The following OLFM3 variants were observed in gnomAD, a reference collection of about 807,000 sequenced individuals.
OLFM3 encodes noelin-3.
OLFM3 carries 20 observed loss-of-function variants against 48.6 expected under a neutral mutation model. The ratio of observed to expected loss-of-function variants is 0.41; its 90% CI spans 0.29 to 0.60. The LOEUF (loss-of-function observed/expected upper bound fraction) is 0.60. Among genes scored for constraint, OLFM3 ranks in the 20% least tolerant of loss-of-function variants. The pLI is 0.28. For synonymous variants in OLFM3, 222 were observed against 198.1 expected (o/e 1.12, Z -1.01); for missense variants, 437 against 544.3 (o/e 0.80, Z 1.96).
intron 4 of OLFM3, among the ~76,000 whole-genome samples, chr1:101,809,949 C>T (rs1233130350): frequency 1.3e-5 from 2 of 151,902 alleles, no homozygotes; most frequent in Non-Finnish European, 2.9e-5. Flanking sequence ...AAACTAATTA[C>T]ATAAAACTTC....
At chr1:101,930,145 C>T (rs1218571370) in intron 1 of OLFM3, among the ~76,000 whole-genome samples, 1 of 152,152 alleles carries the variant, frequency 6.6e-6, no homozygotes, top group Non-Finnish European at 1.5e-5. Flanking sequence ...AGAGGGACTG[C>T]TGAAATCTCT....
At chr1:101,878,049 C>A (rs1329460273) in intron 1 of OLFM3, among the ~76,000 whole-genome samples, 7 of 151,762 alleles carry the variant, frequency 4.6e-5, no homozygotes, top group Admixed American at 3.3e-4. Context: ...GATTTAAGTG[C>A]CTTCTCACCC....
intron 3 of OLFM3, among the ~76,000 whole-genome samples, chr1:101,826,230 C>T (rs549405677): frequency 4.6e-5 from 7 of 152,122 alleles, no homozygotes; most frequent in East Asian, 1.9e-4. Flanking sequence ...GACTGAAGCA[C>T]GCCTACAGTT....
At chr1:101,962,435 G>T (rs1336793) in intron 1 of OLFM3, among the ~76,000 whole-genome samples, 32,430 of 152,044 alleles carry the variant, frequency 0.21, 3,841 homozygotes, top group East Asian at 0.5. Context: ...ATATTTTTTA[G>T]AGAATTGAGC....
At chr1:101,918,828 C>A (rs1659006596) in intron 1 of OLFM3, among the ~76,000 whole-genome samples, 1 of 152,026 alleles carries the variant, frequency 6.6e-6, no homozygotes, top group African/African-American at 2.4e-5. Context: ...CACTGACATA[C>A]TCAAAAATCC....
intron 1 of OLFM3, among the ~76,000 whole-genome samples, chr1:101,989,956 T>C (rs746431755): frequency 2.6e-5 from 4 of 152,228 alleles, no homozygotes; most frequent in African/African-American, 4.8e-5. Context: ...TTTCTCATTA[T>C]CATAGTTTGT....
intron 1 of OLFM3, among the ~76,000 whole-genome samples, chr1:101,873,293 A>T (rs1364997740): frequency 6.6e-6 from 1 of 151,992 alleles, no homozygotes; most frequent in Non-Finnish European, 1.5e-5. Flanking sequence ...AAGAGCCTCA[A>T]GAAAATCCCA....
intron 1 of OLFM3, among the ~76,000 whole-genome samples, chr1:101,878,519 C>T (rs144789025): frequency 6.6e-6 from 1 of 151,956 alleles, no homozygotes; most frequent in East Asian, 1.9e-4. Context: ...AATACTGATG[C>T]CATCTGTAGC....
chr1:101,804,280 A>G lies in OLFM3; in HGVS notation c.1335T>C (p.Asn445=), dbSNP rs1221095401. 1.9e-6 allele frequency: 3 copies of G among 1,608,606 alleles called. No individual in the cohort carries two copies. Among genetic ancestry groups the G allele is most frequent in the Non-Finnish European group, 2.5e-6 (3 of 1,177,126 alleles). ...AWNNGHQVLF[N]VTLFHIIKTE... is the part of the protein sequence containing the mutation. ...TCTTGATGATATGGAAAAGGGTGACATTGAACAGCACCTGGTGGCCATTGT... is the reference window on the plus strand; with the variant it reads ...TCTTGATGATATGGAAAAGGGTGACGTTGAACAGCACCTGGTGGCCATTGT... Residue 445 remains asparagine, a synonymous_variant, in exon 6 of 6, where the codon AAT becomes AAC. Coordinates refer to ENST00000370103, the MANE Select transcript of OLFM3 (RefSeq NM_058170.4). The surrounding 1 kb of genome is among the most constrained non-coding windows in gnomAD (Gnocchi z 4.5).
chr1:101,926,878 T>C (rs1254870072), intron 1 of OLFM3, among the ~76,000 whole-genome samples: 1 of 152,162 alleles, frequency 6.6e-6, no homozygotes, highest in Non-Finnish European at 1.5e-5. Flanking sequence ...AGGCTTACTA[T>C]TTTTAATGCA....
At chr1:101,940,751 T>C (rs1195980148) in intron 1 of OLFM3, among the ~76,000 whole-genome samples, 4 of 150,656 alleles carry the variant, frequency 2.7e-5, no homozygotes, top group Non-Finnish European at 5.9e-5. Flanking sequence ...TATGTATGTA[T>C]ATATATTCAT....
intron 1 of OLFM3, among the ~76,000 whole-genome samples, chr1:101,920,848 C>T (rs1015808850): frequency 2.0e-5 from 3 of 152,156 alleles, no homozygotes; most frequent in South Asian, 2.1e-4. Context: ...TCCTGCTTTT[C>T]GTTTGTTTGT....
chr1:101,968,532 T>TG (rs1430392390), intron 1 of OLFM3, among the ~76,000 whole-genome samples: 4 of 19,716 alleles, frequency 2.0e-4, no homozygotes, highest in East Asian at 4.0e-3. Flanking sequence ...CTTTTTGTTC[T>TG]GAAAAAAAAA....
At chr1:101,856,007 A>T (rs1179528553) in intron 1 of OLFM3, among the ~76,000 whole-genome samples, 1 of 151,988 alleles carries the variant, frequency 6.6e-6, no homozygotes, top group Non-Finnish European at 1.5e-5. Flanking sequence ...GGTGGTAGTA[A>T]ACAACCCCAA....
At chr1:101,941,473 G>A (rs12128684) in intron 1 of OLFM3, among the ~76,000 whole-genome samples, 49,294 of 151,724 alleles carry the variant, frequency 0.32, 8,609 homozygotes, top group Middle Eastern at 0.48. Flanking sequence ...TATTCTTTGC[G>A]GAAAATAAGT....
intron 1 of OLFM3, among the ~76,000 whole-genome samples, chr1:101,945,372 G>A (rs7349130): frequency 0.4 from 60,662 of 151,602 alleles, 12,358 homozygotes; most frequent in East Asian, 0.51. Flanking sequence ...GAGTGAATCT[G>A]AAAATAATGC....
chr1:101,923,918 A>G (rs1159585125), intron 1 of OLFM3, among the ~76,000 whole-genome samples: 2 of 152,136 alleles, frequency 1.3e-5, no homozygotes, highest in East Asian at 3.8e-4. Context: ...TATAACTGTG[A>G]TAACAGAAAC....
chr1:101,967,590 G>GAAA (rs71592233), intron 1 of OLFM3, among the ~76,000 whole-genome samples: 1,603 of 44,562 alleles, frequency 0.036, 118 homozygotes, highest in Admixed American at 0.07. Flanking sequence ...CCTAGTCAGT[G>GAAA]AAAAAAAAAA....
intron 1 of OLFM3, among the ~76,000 whole-genome samples, chr1:101,904,549 G>A (rs1366819775): frequency 1.3e-5 from 2 of 152,124 alleles, no homozygotes; most frequent in African/African-American, 4.8e-5. Flanking sequence ...TTAATATGTG[G>A]AGGGAAGCTA....
Sources: allele counts gnomAD v4.1 joint callset (sites outside exome capture counted in the v4.1 genomes callset), GRCh38; gene constraint gnomAD v4.1.1; non-coding constraint Gnocchi (gnomAD v3.1); transcripts MANE v1.5; gene names NCBI Gene and HGNC (gene_info 2026-07-23, HGNC 2026-07-21).